The following CNIH3 variants were observed in gnomAD, a reference collection of about 807,000 sequenced individuals.
The protein encoded by CNIH3 is protein cornichon homolog 3.
Under a neutral mutation model 24.1 loss-of-function variants are expected in CNIH3, and 14 were observed. That is an observed-to-expected ratio of 0.58 (90% CI 0.38 to 0.91). The LOEUF (loss-of-function observed/expected upper bound fraction) is 0.91. Among genes scored for constraint, CNIH3 ranks in the 40% least tolerant of loss-of-function variants. CNIH3 has a pLI of 0.00. For missense variants in CNIH3, 178 were observed against 196.8 expected, an observed-to-expected ratio of 0.90 and a Z score of 0.57; for synonymous variants, 68 against 73.8, an observed-to-expected ratio of 0.92 and a Z score of 0.40.
chr1:224,435,787 A>G (rs189395248), intron 1 of CNIH3: 1 of 152,308 alleles, frequency 6.6e-6, no homozygotes, highest in Admixed American at 6.5e-5. Flanking sequence ...AATGGTGTGC[A>G]TTATCCCCAA....
intron 1 of CNIH3, 47 bp from the exon 2 acceptor site, chr1:224,680,911 G>A (rs750742870): frequency 2.6e-5 from 37 of 1,402,188 alleles, no homozygotes; most frequent in Non-Finnish European, 3.7e-5. Context: ...GACATGGTGT[G>A]TTGACTCGTG....
At chr1:224,702,032 A>G (rs978514001) in intron 3 of CNIH3, among the ~76,000 whole-genome samples, 7 of 152,274 alleles carry the variant, frequency 4.6e-5, no homozygotes, top group Non-Finnish European at 1.0e-4. Flanking sequence ...GTCATGCTGT[A>G]TCTCCACTTG....
At chr1:224,519,904 A>G (rs2786557) in intron 1 of CNIH3, among the ~76,000 whole-genome samples, 62,994 of 151,860 alleles carry the variant, frequency 0.41, 15,340 homozygotes, top group African/African-American at 0.69. Context: ...ACCACATTTC[A>G]AGTGCTTACT....
chr1:224,558,766 A>G (rs1680245864), intron 3 of CNIH3, among the ~76,000 whole-genome samples: 1 of 152,198 alleles, frequency 6.6e-6, no homozygotes, highest in African/African-American at 2.4e-5. Context: ...AAGCAGTCAC[A>G]GGGGAGAGAT....
chr1:224,556,260 T>C (rs1484451738), intron 3 of CNIH3, among the ~76,000 whole-genome samples: 2 of 152,064 alleles, frequency 1.3e-5, no homozygotes, highest in Non-Finnish European at 2.9e-5. Context: ...TAATCTGGAA[T>C]AGCATAGTTA....
At chr1:224,658,050 A>AC (rs1360085161) in intron 1 of CNIH3, among the ~76,000 whole-genome samples, 1 of 152,248 alleles carries the variant, frequency 6.6e-6, no homozygotes, top group Non-Finnish European at 1.5e-5. Flanking sequence ...TTACTACATG[A>AC]CAATGCTTTG....
chr1:224,641,917 C>T (rs963133939), intron 1 of CNIH3, among the ~76,000 whole-genome samples: 1 of 152,206 alleles, frequency 6.6e-6, no homozygotes, highest in African/African-American at 2.4e-5. Context: ...TTGGTTTGTT[C>T]CTCATGCATT....
intron 3 of CNIH3, among the ~76,000 whole-genome samples, chr1:224,687,031 T>C (rs1686695731): frequency 6.6e-6 from 1 of 152,208 alleles, no homozygotes; most frequent in South Asian, 2.1e-4. Context: ...TCAAATGCAG[T>C]TGCTACTCAT....
intron 2 of CNIH3, among the ~76,000 whole-genome samples, chr1:224,521,972 T>C (rs149809005): frequency 6.6e-6 from 1 of 152,332 alleles, no homozygotes; most frequent in African/African-American, 2.4e-5. Context: ...GCAGGTAGAA[T>C]GGAAGGCAAT....
chr1:224,632,252 C>G (rs747312168), intron 1 of CNIH3, among the ~76,000 whole-genome samples: 10 of 152,178 alleles, frequency 6.6e-5, no homozygotes, highest in Non-Finnish European at 1.5e-4. Context: ...GCCTCTATGT[C>G]TCCCTATGGC....
intron 3 of CNIH3, among the ~76,000 whole-genome samples, chr1:224,706,519 CCA>C (rs541178398): frequency 5.3e-5 from 8 of 152,156 alleles, no homozygotes; most frequent in Non-Finnish European, 8.8e-5. Flanking sequence ...GTGCCCAAGA[CCA>C]CACTTTTGTC....
At chr1:224,449,040 C>T (rs1675279038) in intron 1 of CNIH3, among the ~76,000 whole-genome samples, 1 of 150,034 alleles carries the variant, frequency 6.7e-6, no homozygotes. Context: ...TCTTGGCTCA[C>T]TGCAACCTCC....
intron 1 of CNIH3, among the ~76,000 whole-genome samples, chr1:224,644,962 T>C (rs1684533178): frequency 6.6e-6 from 1 of 152,184 alleles, no homozygotes; most frequent in Non-Finnish European, 1.5e-5. Context: ...GATCTCTGTG[T>C]GGCCAACTAA....
intron 3 of CNIH3, among the ~76,000 whole-genome samples, chr1:224,687,442 A>G (rs1225100591): frequency 1.3e-5 from 2 of 152,040 alleles, no homozygotes; most frequent in African/African-American, 4.8e-5. Flanking sequence ...TTTGTTGTCC[A>G]GGCTGGTCTG....
chr1:224,598,569 G>A (rs891963430), intron 3 of CNIH3, among the ~76,000 whole-genome samples: 1 of 152,156 alleles, frequency 6.6e-6, no homozygotes, highest in Non-Finnish European at 1.5e-5. Flanking sequence ...TTCACGAAAG[G>A]AAGAGTCAAC....
At chr1:224,623,440 G>A (rs941389205) in intron 1 of CNIH3, among the ~76,000 whole-genome samples, 16 of 152,086 alleles carry the variant, frequency 1.1e-4, no homozygotes, top group Non-Finnish European at 1.8e-4. Context: ...GGTCCCAGGC[G>A]GATGCACGGT....
chr1:224,576,739 A>G (rs1477466941), intron 4 of CNIH3, among the ~76,000 whole-genome samples: 3 of 152,190 alleles, frequency 2.0e-5, no homozygotes, highest in Non-Finnish European at 2.9e-5. Flanking sequence ...TGAAAGCAAG[A>G]GTAAGTAAGC....
chr1:224,673,807 ATTT>A (rs55650875), intron 1 of CNIH3, among the ~76,000 whole-genome samples: 2 of 148,402 alleles, frequency 1.3e-5, no homozygotes, highest in African/African-American at 4.9e-5. Flanking sequence ...TCTAGTCAGT[ATTT>A]TTTTTTTTGG....
intron 1 of CNIH3, among the ~76,000 whole-genome samples, chr1:224,502,625 G>A (rs954398675): frequency 2.6e-5 from 4 of 152,256 alleles, no homozygotes; most frequent in South Asian, 2.1e-4. Flanking sequence ...GGCGGGGCCC[G>A]TGCCAGGGGA....
Sources: gnomAD v4.1 joint callset for allele counts (sites outside exome capture counted in the v4.1 genomes callset) on GRCh38, gnomAD v4.1.1 for gene constraint, MANE v1.5 for transcripts, NCBI Gene and HGNC (gene_info 2026-07-23, HGNC 2026-07-21) for gene names.